MED12L: variants seen among roughly 807,000 people sequenced by gnomAD.
MED12L encodes the protein mediator complex subunit 12L.
A neutral mutation model predicts 281.3 loss-of-function variants in MED12L; 60 were observed. The ratio of observed to expected loss-of-function variants is 0.21; its 90% CI spans 0.17 to 0.26. The LOEUF is 0.26. Ranked by LOEUF, MED12L falls within the 10% of genes least tolerant of loss-of-function variation. The pLI, the probability that MED12L is intolerant of heterozygous loss-of-function variation, is 1.00. For missense variants in MED12L, 2,146 were observed against 2,680.9 expected (o/e 0.80, Z 4.41); for synonymous variants, 974 against 987.2 (o/e 0.99, Z 0.25).
chr3:151,134,088 A>G (rs1034323541), intron 5 of MED12L, among the ~76,000 whole-genome samples: 3 of 152,086 alleles, frequency 2.0e-5, no homozygotes, highest in African/African-American at 7.2e-5. Context: ...ACTGCATTTC[A>G]AGGTTGAATC....
intron 16 of MED12L, among the ~76,000 whole-genome samples, chr3:151,322,440 A>G (rs992144271): frequency 6.6e-6 from 1 of 151,806 alleles, no homozygotes; most frequent in African/African-American, 2.4e-5. Flanking sequence ...CAAGCAATTC[A>G]CCTGCCTTGG....
At chr3:151,395,214 G>A (rs1423973471) in intron 39 of MED12L, among the ~76,000 whole-genome samples, 1 of 152,064 alleles carries the variant, frequency 6.6e-6, no homozygotes, top group Non-Finnish European at 1.5e-5. Flanking sequence ...ACCATATTCT[G>A]TACTACTTTC....
At chr3:151,413,021 G>A in intron 41 of MED12L, 118 bp from the exon 42 acceptor site, 3 of 1,177,982 alleles carry the variant, frequency 2.5e-6, no homozygotes, top group Non-Finnish European at 3.5e-6. Context: ...TTTGAATTGT[G>A]CAAAGGATTA....
chr3:151,247,962 C>CTTTTTTTTTTTTTTTTTTT (rs61102632), intron 16 of MED12L, among the ~76,000 whole-genome samples: 5 of 75,902 alleles, frequency 6.6e-5, no homozygotes, highest in African/African-American at 1.1e-4. Context: ...TCTTCTTCTT[C>CTTTTTTTTTTTTTTTTTTT]TTTTTTTTTT....
intron 16 of MED12L, chr3:151,338,299 C>T (rs764657007): frequency 5.6e-6 from 9 of 1,613,888 alleles, no homozygotes; most frequent in African/African-American, 1.3e-5. Flanking sequence ...CAGACTAGAC[C>T]GAACTCTGAT....
At chr3:151,345,255 A>G (rs1577387907) in intron 16 of MED12L, among the ~76,000 whole-genome samples, 3 of 152,216 alleles carry the variant, frequency 2.0e-5, no homozygotes, top group East Asian at 3.8e-4. Context: ...GTCTCCTGTA[A>G]CAGACTCTCC....
At chr3:151,393,226 T>G (rs1714522125) in intron 38 of MED12L, among the ~76,000 whole-genome samples, 1 of 152,020 alleles carries the variant, frequency 6.6e-6, no homozygotes, top group Admixed American at 6.6e-5. Context: ...GGCTTCCGTA[T>G]TTAAAGGGGA....
intron 16 of MED12L, among the ~76,000 whole-genome samples, chr3:151,318,870 A>G (rs1002695630): frequency 3.9e-5 from 6 of 152,184 alleles, no homozygotes; most frequent in Non-Finnish European, 8.8e-5. Context: ...TTAAGTAGGA[A>G]ATAAGGTGAT....
chr3:151,282,169 A>C (rs1435915484), intron 16 of MED12L, among the ~76,000 whole-genome samples: 1 of 151,964 alleles, frequency 6.6e-6, no homozygotes, highest in Non-Finnish European at 1.5e-5. Context: ...CCTCATCCCC[A>C]CTTGCTCTCT....
At chr3:151,170,277 C>CTTTTTTT (rs113849929) in intron 11 of MED12L, among the ~76,000 whole-genome samples, 1 of 137,770 alleles carries the variant, frequency 7.3e-6, no homozygotes, top group Non-Finnish European at 1.6e-5. Flanking sequence ...TTTTCTTTTT[C>CTTTTTTT]TTTTTTTTTT....
At chr3:151,353,846 A>C (rs1753552201) in intron 17 of MED12L, among the ~76,000 whole-genome samples, 1 of 152,210 alleles carries the variant, frequency 6.6e-6, no homozygotes, top group African/African-American at 2.4e-5. Context: ...TTAACTACTT[A>C]GAATCACAGT....
chr3:151,355,966 A>G lies in MED12L; in HGVS notation c.2588A>G (p.His863Arg), dbSNP rs765877900. The change falls in exon 19 of 45, where the codon CAC becomes CGC. Residue 863 changes from histidine (H) to arginine (R), a missense_variant. Physicochemically the swap from His to Arg is conservative, Grantham distance 29 (BLOSUM62 0). Transcript: ENST00000687756. Reference protein sequence around the residue: ...SGTSYHLPLAHHIQLIFDLME... With the variant: ...SGTSYHLPLARHIQLIFDLME... ...ACATCCTATCATCTCCCTTTGGCTC[A>G]CCACATTCAGCTCATCTTTGATCTC... 1.9e-6 allele frequency: 3 copies of G among 1,614,072 alleles called. No homozygotes were observed. The highest frequency in any genetic ancestry group is 2.5e-6 in the Non-Finnish European group (3 of 1,179,954).
chr3:151,167,530 C>T (rs2148989417), intron 11 of MED12L, among the ~76,000 whole-genome samples: 1 of 152,298 alleles, frequency 6.6e-6, no homozygotes, highest in East Asian at 1.9e-4. Flanking sequence ...ATACATATTC[C>T]AGATTATTAT....
chr3:151,118,871 G>T (rs1367789305), intron 3 of MED12L, among the ~76,000 whole-genome samples: 1 of 152,038 alleles, frequency 6.6e-6, no homozygotes, highest in Non-Finnish European at 1.5e-5. Flanking sequence ...TATTTTTGTA[G>T]AGACAGGGTT....
rs750896215 is a variant in MED12L, at chr3:151,295,056, C to G, written c.2251-55003C>G. On this transcript the variant is annotated intron_variant, in intron 16 of 44. Coordinates refer to ENST00000687756, the MANE Select transcript of MED12L (RefSeq NM_001393769.1). ...TTCCTAATGTGGAAGAAGATCCACA[C>G]TGCTAAACCATTCAGCAAGATGCTT... is the stretch of plus-strand genomic sequence containing the variant. 6 of 1,613,626 alleles carry G rather than the reference C, an allele frequency of 3.7e-6. No homozygotes were observed. The Admixed American group carries it at 1.0e-4, about 27-fold the overall frequency.
chr3:151,089,574 A>G (rs1340558419), intron 2 of MED12L, among the ~76,000 whole-genome samples: 1 of 151,562 alleles, frequency 6.6e-6, no homozygotes, highest in East Asian at 1.9e-4. Flanking sequence ...CCATAAATGT[A>G]ATTTTTATTG....
At position 151,400,632 on chromosome 3, in the gene MED12L, A is replaced by C. The variant is rs1233581231; in HGVS notation, c.5820+5765A>C. On this transcript the variant is annotated intron_variant, in intron 39 of 44. Coordinates refer to ENST00000687756, the MANE Select transcript of MED12L (RefSeq NM_001393769.1). The stretch of plus-strand genomic sequence containing the variant: ...GGATGACTGAGTCAGAACCTCCCAG[A>C]GCTGTTAGCTCCTTGGCAAAAATGA... Among the ~76,000 whole-genome samples the C allele has an allele frequency of 2.6e-5, 4 of 152,318 alleles. No homozygotes were observed. The East Asian group carries it at 7.7e-4, about 29-fold the overall frequency.
intron 2 of MED12L, among the ~76,000 whole-genome samples, chr3:151,103,373 G>A (rs565698402): frequency 6.6e-6 from 1 of 152,302 alleles, no homozygotes; most frequent in African/African-American, 2.4e-5. Flanking sequence ...AGTATATTTA[G>A]ATATAATTGG....
At position 151,139,748 on chromosome 3, in the gene MED12L, G is replaced by A. The variant is rs57504644; in HGVS notation, c.556+11764G>A. On this transcript the variant is annotated intron_variant, in intron 5 of 44. Transcript: ENST00000687756. ...AATCAGGAAGTAGGACTGTAAGCAT[G>A]TTATTTAGAGGTAGAGGTAAATACA... 0.015 allele frequency among the ~76,000 whole-genome samples: 2,323 copies of A among 152,296 alleles called. 167 individuals are homozygous for A. In the East Asian group the frequency reaches 0.22, roughly 14 times the overall value.
Sources: allele counts gnomAD v4.1 joint callset (sites outside exome capture counted in the v4.1 genomes callset), GRCh38; gene constraint gnomAD v4.1.1; transcripts MANE v1.5; gene names NCBI Gene and HGNC (gene_info 2026-07-23, HGNC 2026-07-21).